RNF126: variants seen among roughly 807,000 people sequenced by gnomAD.
RNF126 encodes the protein ring finger protein 126, also known as E3 ubiquitin-protein ligase RNF126.
In RNF126, 20 loss-of-function variants were observed where a neutral mutation model predicts 41.9. That is an observed-to-expected ratio of 0.48 (90% CI 0.34 to 0.69). The LOEUF (loss-of-function observed/expected upper bound fraction) is 0.69. Among genes scored for constraint, RNF126 ranks in the 30% least tolerant of loss-of-function variants. The pLI, the probability that RNF126 is intolerant of heterozygous loss-of-function variation, is 0.01. For synonymous variants in RNF126, 239 were observed against 202.9 expected, an observed-to-expected ratio of 1.18 and a Z score of -1.51; for missense variants, 433 against 460.6, an observed-to-expected ratio of 0.94 and a Z score of 0.55.
intron 1 of RNF126, among the ~76,000 whole-genome samples, chr19:658,481 G>A (rs1433230739): frequency 6.6e-6 from 1 of 152,046 alleles, no homozygotes; most frequent in Non-Finnish European, 1.5e-5. Context: ...GCTCGGCCTC[G>A]GTAGGAGCCC....
At chr19:651,569 C>G (rs188499201) in intron 4 of RNF126, 42 bp downstream of exon 4, 256 of 1,384,322 alleles carry the variant, frequency 1.8e-4, no homozygotes, top group Admixed American at 1.5e-3. Flanking sequence ...CTTCCGACCT[C>G]AAGGCGTGGG....
rs1394009949 is a variant in RNF126, at chr19:663,143, G to A, written c.-22C>T. On this transcript the variant is annotated 5_prime_UTR_variant, in exon 1 of 9. Coordinates refer to ENST00000292363, the MANE Select transcript of RNF126 (RefSeq NM_194460.3). ...CCATGGCCGCCGCCACCTACTCCGCGCCGCCCGCCCCCCGCGCGGCACCCG... is the reference window on the plus strand; with the variant it reads ...CCATGGCCGCCGCCACCTACTCCGCACCGCCCGCCCCCCGCGCGGCACCCG... The A allele has an allele frequency of 6.8e-6, 8 of 1,174,642 alleles. No homozygotes were observed. The highest frequency in any genetic ancestry group is 3.4e-5 in the South Asian group (1 of 29,342). 72.8% of individuals were successfully genotyped at this position (1,174,642 alleles called of 1,614,324 possible).
chr19:661,122 C>G (rs1254457037), intron 1 of RNF126, among the ~76,000 whole-genome samples: 1 of 152,262 alleles, frequency 6.6e-6, no homozygotes, highest in East Asian at 1.9e-4. Context: ...GAAGGCCCTC[C>G]CCAGGCCCAG....
chr19:658,370 G>GA (rs2030652562), intron 1 of RNF126, among the ~76,000 whole-genome samples: 1 of 152,072 alleles, frequency 6.6e-6, no homozygotes, highest in Admixed American at 6.5e-5. Flanking sequence ...CAGTGACCAG[G>GA]GCAGGCAGGC....
At chr19:661,571 A>C (rs1600645087) in intron 1 of RNF126, among the ~76,000 whole-genome samples, 1 of 151,566 alleles carries the variant, frequency 6.6e-6, no homozygotes, top group Non-Finnish European at 1.5e-5. Context: ...AGGAAACCAC[A>C]CCTCTCTCTT....
chr19:658,569 G>C (rs981363217), intron 1 of RNF126, among the ~76,000 whole-genome samples: 1 of 152,162 alleles, frequency 6.6e-6, no homozygotes, highest in Non-Finnish European at 1.5e-5. Context: ...CGCAGCCCCA[G>C]AGGCACGGGC....
intron 1 of RNF126, among the ~76,000 whole-genome samples, chr19:662,696 G>A (rs1027115249): frequency 1.3e-4 from 20 of 152,062 alleles, no homozygotes; most frequent in Admixed American, 2.6e-4. Context: ...TTCTCCGTTT[G>A]CAAAACCAGG....
intron 1 of RNF126, among the ~76,000 whole-genome samples, chr19:654,954 T>A (rs976362517): frequency 6.8e-6 from 1 of 147,426 alleles, no homozygotes; most frequent in Admixed American, 6.8e-5. Flanking sequence ...GGCGACAGAG[T>A]GAGACTCCGT....
At chr19:660,060 C>T (rs536024214) in intron 1 of RNF126, among the ~76,000 whole-genome samples, 9 of 152,364 alleles carry the variant, frequency 5.9e-5, no homozygotes, top group South Asian at 4.1e-4. Flanking sequence ...CCACCGCGCT[C>T]GGCCTCATCA....
At chr19:652,190 C>A in intron 3 of RNF126, 43 bp downstream of exon 3, 1 of 1,468,824 alleles carries the variant, frequency 6.8e-7, no homozygotes, top group Non-Finnish European at 9.0e-7. Flanking sequence ...GGGCCCCGAG[C>A]AAGGCTGACA....
Position 647,995 on chromosome 19 carries a change from TG to T in RNF126, c.*132del. 1.7e-6 allele frequency: 2 copies of T among 1,148,252 alleles called. No individual in the cohort carries two copies. Among genetic ancestry groups the T allele is most frequent in the Non-Finnish European group, 2.4e-6 (2 of 837,596 alleles). 71.1% of individuals were successfully genotyped at this position (1,148,252 alleles called of 1,614,324 possible). On this transcript the variant is annotated 3_prime_UTR_variant, in exon 9 of 9. Transcript: ENST00000292363. ...GGTGGGCCGGGCCCGGGTCCTGCCC[TG>T]GAACAGGCGGGACCTGCAGCGCTGA...
intron 1 of RNF126, 99 bp downstream of exon 1, chr19:662,948 G>T: frequency 2.2e-6 from 1 of 463,648 alleles, no homozygotes; most frequent in African/African-American, 2.1e-5. Flanking sequence ...TGGTCAGCTC[G>T]CGCAAGAGGC....
chr19:651,559 C>A (rs919559211), intron 4 of RNF126, 52 bp downstream of exon 4: 2 of 1,378,970 alleles, frequency 1.5e-6, no homozygotes, highest in Admixed American at 6.6e-5. Flanking sequence ...AGCGCCAGAA[C>A]TTCCGACCTC....
intron 6 of RNF126, 33 bp from the exon 7 acceptor site, chr19:649,008 C>T (rs758501438): frequency 8.8e-7 from 1 of 1,141,190 alleles, no homozygotes. Context: ...GCCGGGAGCT[C>T]CTCGGGGGCC....
chr19:660,008 G>A lies in RNF126; in HGVS notation c.75+3039C>T, dbSNP rs570498955. On this transcript the variant is annotated intron_variant, in intron 1 of 8. Transcript: ENST00000292363. The stretch of plus-strand genomic sequence containing the variant: ...TCGAACTCCTGACCTCAGGTGATCC[G>A]TCCACCTCAGCCTCCCAAAGCGATG... 1.6e-3 allele frequency among the ~76,000 whole-genome samples: 243 copies of A among 152,266 alleles called. 2 individuals are homozygous for A. Among genetic ancestry groups the A allele is most frequent in the African/African-American group, 5.5e-3 (229 of 41,552 alleles).
intron 1 of RNF126, among the ~76,000 whole-genome samples, chr19:657,007 T>C (rs1053018451): frequency 6.6e-6 from 1 of 152,068 alleles, no homozygotes; most frequent in Non-Finnish European, 1.5e-5. Context: ...TCTCCCTGCA[T>C]GGTGACTCCC....
intron 1 of RNF126, among the ~76,000 whole-genome samples, chr19:662,207 C>T (rs1331165769): frequency 6.6e-6 from 1 of 152,202 alleles, no homozygotes. Context: ...CTACTGACTC[C>T]GAAACCCTGG....
chr19:652,286 T>C lies in RNF126; in HGVS notation c.145A>G (p.Asn49Asp). The C allele has an allele frequency of 6.4e-7, 1 of 1,556,866 alleles. No individual in the cohort carries two copies. ...GGAGCTGTGGAGGGGGCAGAACCATTTTCTGTGCTCCTGGGGAGAGAGTGC... is the reference window on the plus strand; with the variant it reads ...GGAGCTGTGGAGGGGGCAGAACCATCTTCTGTGCTCCTGGGGAGAGAGTGC... ...ELPEETRSTE[N>D]GSAPSTAPTD... is the part of the protein sequence containing the mutation. Residue 49 changes from asparagine (N) to aspartate (D), a missense_variant, in exon 3 of 9, where the codon AAT becomes GAT. This residue lies in a region of RNF126 where 247 missense variants were observed against 224.7 expected (regional missense o/e 1.10). Transcript: ENST00000292363.
chr19:656,748 C>T (rs1210911376), intron 1 of RNF126, among the ~76,000 whole-genome samples: 2 of 152,234 alleles, frequency 1.3e-5, no homozygotes, highest in Admixed American at 1.3e-4. Flanking sequence ...GCCACAGTGG[C>T]CGTGACAACT....
Sources: allele counts gnomAD v4.1 joint callset (sites outside exome capture counted in the v4.1 genomes callset), GRCh38; gene constraint gnomAD v4.1.1; regional missense constraint gnomAD v4.1.1; transcripts MANE v1.5; gene names NCBI Gene and HGNC (gene_info 2026-07-23, HGNC 2026-07-21).